CDH12: variants seen among roughly 807,000 people sequenced by gnomAD.
CDH12 encodes the protein cadherin-12.
Under a neutral mutation model 74.1 loss-of-function variants are expected in CDH12, and 41 were observed. The ratio of observed to expected loss-of-function variants is 0.55; its 90% CI spans 0.43 to 0.72. The LOEUF is 0.72. Among genes scored for constraint, CDH12 ranks in the 30% least tolerant of loss-of-function variants. The probability of loss-of-function intolerance (pLI) is 0.00; values close to 1 mark genes in which losing one functional copy is unlikely to be tolerated. For synonymous variants in CDH12, 399 were observed against 355.0 expected, an observed-to-expected ratio of 1.12 and a Z score of -1.39; for missense variants, 945 against 977.2, an observed-to-expected ratio of 0.97 and a Z score of 0.44.
intron 5 of CDH12, among the ~76,000 whole-genome samples, chr5:22,048,690 G>A (rs749261974): frequency 2.0e-5 from 3 of 151,980 alleles, no homozygotes; most frequent in Non-Finnish European, 4.4e-5. Flanking sequence ...ATGAGAATGA[G>A]TAGGAAAAAG....
At chr5:22,792,782 A>G (rs1747982792) in intron 1 of CDH12, among the ~76,000 whole-genome samples, 1 of 152,084 alleles carries the variant, frequency 6.6e-6, no homozygotes, top group South Asian at 2.1e-4. Flanking sequence ...CATCAGTGTA[A>G]TTTTACCAGC....
In CDH12 at chr5:22,262,685, C is replaced by T. The variant is rs1345128390; in HGVS notation, c.-332-50042G>A. On this transcript the variant is annotated intron_variant, in intron 3 of 14. Transcript: ENST00000382254. The stretch of plus-strand genomic sequence containing the variant: ...TTCTAGTTCTAGATCCCTGAGGAAT[C>T]GCCACACTGACTTCCACAATGGTTG... Among the ~76,000 whole-genome samples, 15 of 151,366 alleles carry T rather than the reference C, an allele frequency of 9.9e-5. No individual in the cohort carries two copies. In the East Asian group the frequency reaches 2.0e-3, roughly 20 times the overall value.
At chr5:22,169,699 T>C (rs1025415588) in intron 4 of CDH12, among the ~76,000 whole-genome samples, 7 of 151,986 alleles carry the variant, frequency 4.6e-5, no homozygotes, top group Admixed American at 3.3e-4. Flanking sequence ...GTTTGTTGAA[T>C]GCATATCACT....
Position 21,757,437 on chromosome 5 carries a change from A to T in CDH12, c.1634-1595T>A, listed in dbSNP as rs565269233. Among the ~76,000 whole-genome samples the T allele has an allele frequency of 1.1e-4, 16 of 152,226 alleles. No homozygotes were observed. The South Asian group carries it at 1.7e-3, about 16-fold the overall frequency. On this transcript the variant is annotated intron_variant, in intron 13 of 14. Coordinates refer to ENST00000382254, the MANE Select transcript of CDH12 (RefSeq NM_004061.5). ...GTGATCTGTCCACCTTGGCCTCCCA[A>T]AGTGAGCCACCGCACCCAGCCCAAT...
intron 2 of CDH12, among the ~76,000 whole-genome samples, chr5:22,495,670 A>G (rs1317678962): frequency 6.6e-6 from 1 of 152,244 alleles, no homozygotes; most frequent in Admixed American, 6.5e-5. Flanking sequence ...CATTAAATCA[A>G]TGTGAAGTAA....
chr5:21,827,392 A>T (rs1347145300), intron 8 of CDH12, among the ~76,000 whole-genome samples: 1 of 151,972 alleles, frequency 6.6e-6, no homozygotes, highest in Non-Finnish European at 1.5e-5. Context: ...GAAAACCTTT[A>T]AAAAAAAGGT....
chr5:22,698,122 C>T (rs1421390962), intron 1 of CDH12, among the ~76,000 whole-genome samples: 32 of 91,154 alleles, frequency 3.5e-4, no homozygotes, highest in South Asian at 4.0e-4. Flanking sequence ...AAAGGCAGGG[C>T]TTTTTTTTTT....
intron 3 of CDH12, among the ~76,000 whole-genome samples, chr5:22,384,399 G>A (rs915799134): frequency 6.6e-6 from 1 of 150,522 alleles, no homozygotes; most frequent in African/African-American, 2.4e-5. Context: ...GATGGTGGGC[G>A]CCTGTAGTCC....
chr5:21,983,188 T>C (rs922856252), intron 5 of CDH12, among the ~76,000 whole-genome samples: 15 of 152,138 alleles, frequency 9.9e-5, no homozygotes, highest in Admixed American at 5.9e-4. Context: ...TTGAGTCTTT[T>C]CATATCACAG....
At position 22,268,573 on chromosome 5, in the gene CDH12, T is replaced by TA. The variant is rs943592915; in HGVS notation, c.-332-55931dup. On this transcript the variant is annotated intron_variant, in intron 3 of 14. Coordinates refer to ENST00000382254, the MANE Select transcript of CDH12 (RefSeq NM_004061.5). ...CATATACTTCTGATTTTAATTTTTG[T>TA]AAAAAAAAACTCTACAATTTATTAT... 1.1e-3 allele frequency among the ~76,000 whole-genome samples: 174 copies of TA among 151,378 alleles called. 1 individual carries two copies. Among genetic ancestry groups the TA allele is most frequent in the Admixed American group, 2.3e-3 (35 of 15,168 alleles).
chr5:21,898,579 A>G (rs755328996), intron 6 of CDH12, among the ~76,000 whole-genome samples: 19 of 151,874 alleles, frequency 1.3e-4, no homozygotes, highest in South Asian at 2.1e-4. Context: ...GCGGGCGCCT[A>G]TAGTCCCAGC....
chr5:22,517,848 T>G (rs1405108390), intron 1 of CDH12, among the ~76,000 whole-genome samples: 1 of 152,208 alleles, frequency 6.6e-6, no homozygotes, highest in Non-Finnish European at 1.5e-5. Flanking sequence ...ATATATATTT[T>G]TTCCTTTCCA....
intron 6 of CDH12, among the ~76,000 whole-genome samples, chr5:21,959,629 G>T (rs1320445805): frequency 6.6e-6 from 1 of 151,830 alleles, no homozygotes; most frequent in Non-Finnish European, 1.5e-5. Context: ...CAAAGAAGGG[G>T]CCGGGAGTGG....
chr5:21,913,637 G>A (rs375114809), intron 6 of CDH12, among the ~76,000 whole-genome samples: 1 of 151,934 alleles, frequency 6.6e-6, no homozygotes, highest in Admixed American at 6.6e-5. Context: ...TTAATCAGAA[G>A]ACTAGAGACA....
chr5:22,193,146 CT>C (rs909136927), intron 4 of CDH12, among the ~76,000 whole-genome samples: 1 of 152,090 alleles, frequency 6.6e-6, no homozygotes, highest in African/African-American at 2.4e-5. Context: ...CTACATATGT[CT>C]TTTTGTTTGT....
At chr5:22,375,654 A>G (rs562661264) in intron 3 of CDH12, among the ~76,000 whole-genome samples, 1 of 152,270 alleles carries the variant, frequency 6.6e-6, no homozygotes, top group Non-Finnish European at 1.5e-5. Flanking sequence ...ACATTTCTTA[A>G]AAGAAGACAT....
At chr5:22,109,680 T>C (rs1160217187) in intron 4 of CDH12, among the ~76,000 whole-genome samples, 1 of 152,232 alleles carries the variant, frequency 6.6e-6, no homozygotes, top group Non-Finnish European at 1.5e-5. Context: ...TTTTTGTTTG[T>C]ATCTGTACCT....
chr5:22,384,728 T>TA (rs1474080452), intron 3 of CDH12, among the ~76,000 whole-genome samples: 2 of 152,056 alleles, frequency 1.3e-5, no homozygotes, highest in Non-Finnish European at 2.9e-5. Flanking sequence ...GTATGTATGT[T>TA]AAAATGAGTT....
intron 4 of CDH12, among the ~76,000 whole-genome samples, chr5:22,122,338 G>A (rs532383942): frequency 6.6e-6 from 1 of 152,158 alleles, no homozygotes. Flanking sequence ...AGGAGGCAGA[G>A]GTTGCAGTGA....
Sources: gnomAD v4.1 joint callset for allele counts (sites outside exome capture counted in the v4.1 genomes callset) on GRCh38, gnomAD v4.1.1 for gene constraint, MANE v1.5 for transcripts, NCBI Gene and HGNC (gene_info 2026-07-23, HGNC 2026-07-21) for gene names.